Variants in DLK2 observed in about 807,000 individuals in gnomAD.
DLK2 encodes protein delta homolog 2.
Under a neutral mutation model 31.3 loss-of-function variants are expected in DLK2, and 9 were observed. The observed-to-expected ratio is 0.29, with a 90% CI of 0.17 to 0.50. DLK2 has a LOEUF of 0.50. Ranked by LOEUF, DLK2 falls within the 20% of genes least tolerant of loss-of-function variation. The pLI, the probability that DLK2 is intolerant of heterozygous loss-of-function variation, is 0.98. For synonymous variants in DLK2, 169 were observed against 201.2 expected, an observed-to-expected ratio of 0.84 and a Z score of 1.35; for missense variants, 387 against 526.1, an observed-to-expected ratio of 0.74 and a Z score of 2.59.
rs1783901166 is a variant in DLK2, at chr6:43,454,644, C to T, written c.76+106G>A. 21 of 1,439,624 alleles carry T rather than the reference C, an allele frequency of 1.5e-5. 1 individual carries two copies. The South Asian group carries it at 2.5e-4, about 17-fold the overall frequency. 89.2% of individuals were successfully genotyped at this position (1,439,624 alleles called of 1,614,324 possible). A position where few individuals can be genotyped will look rare whatever the true frequency, so the allele number is the denominator to read the frequency against. On this transcript the variant is annotated intron_variant, in intron 2 of 5. Transcript: ENST00000372488. ...AAAAGGCAACCTCGGTCTTGCTTGCCCCGCGGGTCGGAGCGACTGCAGTGC... is the reference window on the plus strand; with the variant it reads ...AAAAGGCAACCTCGGTCTTGCTTGCTCCGCGGGTCGGAGCGACTGCAGTGC...
In DLK2 at chr6:43,455,125, G is replaced by C. The variant is rs974628006; in HGVS notation, c.-55-245C>G. 4 of 980,046 alleles carry C rather than the reference G, an allele frequency of 4.1e-6. No individual in the cohort carries two copies. In the African/African-American group the frequency reaches 7.0e-5, roughly 17 times the overall value. The allele number at this position is 980,046 out of a possible 1,614,324, so 60.7% of individuals were successfully genotyped here. On this transcript the variant is annotated intron_variant, in intron 1 of 5. Coordinates refer to ENST00000372488, the MANE Select transcript of DLK2 (RefSeq NM_023932.4). ...GGCATCGCGGAGCGAGGCCAGGCGC[G>C]GGAATGGCTGGGGTTGGGATCGTAG...
Position 43,450,356 on chromosome 6 carries a change from AT to A in DLK2, c.*182del, listed in dbSNP as rs1783631720. 2 of 972,460 alleles carry A rather than the reference AT, an allele frequency of 2.1e-6. No homozygotes were observed. Among genetic ancestry groups the A allele is most frequent in the Non-Finnish European group, 2.9e-6 (2 of 692,404 alleles). The allele number at this position is 972,460 out of a possible 1,614,324, so 60.2% of individuals were successfully genotyped here. A position where few individuals can be genotyped will look rare whatever the true frequency, so the allele number is the denominator to read the frequency against. ...TTTTCTGGCATAGGAGCCCACTTGC[AT>A]TTTCATAGTTTTATTTGATAAAATT... On this transcript the variant is annotated 3_prime_UTR_variant, in exon 6 of 6. Transcript: ENST00000372488. The surrounding 1 kb of genome is among the most constrained non-coding windows in gnomAD (Gnocchi z 4.5).
At chr6:43,454,598 A>G in intron 2 of DLK2, 124 bp from the exon 3 acceptor site, 1 of 1,334,636 alleles carries the variant, frequency 7.5e-7, no homozygotes, top group Non-Finnish European at 1.0e-6. Context: ...AGGACATAAC[A>G]CAGAAACTCA....
chr6:43,451,343 TC>T lies in DLK2; in HGVS notation c.417-70del. ...ACCTGTAGGGCAGCCCAGGTCAGTA[TC>T]CTGACCACTGCCCGCCATGTCATCT... On this transcript the variant is annotated intron_variant, in intron 5 of 5. Coordinates refer to ENST00000372488, the MANE Select transcript of DLK2 (RefSeq NM_023932.4). The surrounding 1 kb of genome is among the most constrained non-coding windows in gnomAD (Gnocchi z 4.4). 1.2e-5 allele frequency: 19 copies of T among 1,533,844 alleles called. No homozygotes were observed. In the South Asian group the frequency reaches 2.4e-4, roughly 19 times the overall value.
rs750760826 is a variant in DLK2 at position 43,451,400 on chromosome 6, C to A, written c.417-126G>T. On this transcript the variant is annotated intron_variant, in intron 5 of 5. Coordinates refer to ENST00000372488, the MANE Select transcript of DLK2 (RefSeq NM_023932.4). The surrounding 1 kb of genome is among the most constrained non-coding windows in gnomAD (Gnocchi z 4.4). ...TACACACTCCGAGCCTCAAATACCT[C>A]ATTTTAAAAATGAGAATAAAAATAG... The A allele has an allele frequency of 5.1e-5, 62 of 1,215,482 alleles. No individual in the cohort carries two copies. The highest frequency in any genetic ancestry group is 6.7e-5 in the Non-Finnish European group (60 of 891,112). The allele number at this position is 1,215,482 out of a possible 1,614,324, so 75.3% of individuals were successfully genotyped here.
chr6:43,455,140 TG>T, intron 1 of DLK2: 1 of 971,582 alleles, frequency 1.0e-6, no homozygotes, highest in Non-Finnish European at 1.2e-6. Flanking sequence ...TGGCTGGGGT[TG>T]GGATCGTAGT....
In DLK2 at chr6:43,453,190, A is replaced by T; in HGVS notation, c.141-55T>A. ...CTGGGTCATGGATGTGAAGAAATGG[A>T]GGAGACAGAACCAGAGCTTCTAGAA... On this transcript the variant is annotated intron_variant, in intron 3 of 5. Transcript: ENST00000372488. The surrounding 1 kb of genome is among the most constrained non-coding windows in gnomAD (Gnocchi z 4.1). 1 of 1,544,934 alleles carries T rather than the reference A, an allele frequency of 6.5e-7. No homozygotes were observed. The highest frequency in any genetic ancestry group is 2.1e-5 in the Admixed American group (1 of 47,734).
rs772154206 is a variant in DLK2, at chr6:43,451,972, G to C, written c.384C>G (p.Cys128Trp). Residue 128 changes from cysteine (C) to tryptophan (W), a missense_variant, in exon 5 of 6, where the codon TGC (cysteine) becomes TGG (tryptophan). Transcript: ENST00000372488. This position sits in a 1 kb window ranked among gnomAD's most constrained non-coding sequence, Gnocchi z 4.4. Reference protein sequence around the residue: ...VCLPGFHGRDCERKAGPCEQA... With the variant: ...VCLPGFHGRDWERKAGPCEQA... ...GTTCACAGGGTCCAGCCTTGCGCTC[G>C]CAGTCACGCCCATGGAAGCCTGGTA... is the stretch of plus-strand genomic sequence containing the variant. The C allele has an allele frequency of 1.2e-6, 2 of 1,613,996 alleles. No individual in the cohort carries two copies. The highest frequency in any genetic ancestry group is 2.2e-5 in the East Asian group (1 of 44,888).
intron 4 of DLK2, among the ~76,000 whole-genome samples, chr6:43,452,510 G>A (rs1783807590): frequency 6.6e-6 from 1 of 152,222 alleles, no homozygotes; most frequent in Admixed American, 6.5e-5. Context: ...GAGGTCAGGA[G>A]TTCGAGACCA....
At position 43,454,874 on chromosome 6, in the gene DLK2, T is replaced by G. The variant is rs568768413; in HGVS notation, c.-49A>C. The stretch of plus-strand genomic sequence containing the variant: ...ACGGACGGATGGACGGCCGGACGCG[T>G]GGACACCTGTGGGACGGCACCGGTT... On this transcript the variant is annotated 5_prime_UTR_variant, in exon 2 of 6. Transcript: ENST00000372488. 3 of 1,531,718 alleles carry G rather than the reference T, an allele frequency of 2.0e-6. No homozygotes were observed. Among genetic ancestry groups the G allele is most frequent in the East Asian group, 4.9e-5 (2 of 40,638 alleles). The allele number at this position is 1,531,718 out of a possible 1,614,324, so 94.9% of individuals were successfully genotyped here.
Position 43,450,584 on chromosome 6 carries a change from C to T in DLK2, c.1107G>A (p.Leu369=). Residue 369 remains leucine, a synonymous_variant, in exon 6 of 6, where the codon CTG becomes CTA. Transcript: ENST00000372488. The surrounding 1 kb of genome is among the most constrained non-coding windows in gnomAD (Gnocchi z 4.5). ...CAGGCTCAGGGGGCAAGTCACGTGG[C>T]AGGGGGAGCCCTGCTGGCAGCATGC... ...QVSMLPAGLP[L]PRDLPPEPGK... 1 of 1,584,590 alleles carries T rather than the reference C, an allele frequency of 6.3e-7. No individual in the cohort carries two copies. Among genetic ancestry groups the T allele is most frequent in the Non-Finnish European group, 8.6e-7 (1 of 1,163,714 alleles).
Position 43,450,963 on chromosome 6 carries a change from C to G in DLK2, c.728G>C (p.Gly243Ala), listed in dbSNP as rs769298050. ...TAAGACAAGCTCACAGGTCTTGCCA[C>G]CATAGCCACTGGGGCAGAGGCAGTC... is the stretch of plus-strand genomic sequence containing the variant. ...DFDCLCPSGY[G>A]GKTCELVLPV... Residue 243 changes from glycine to alanine, a missense_variant, in exon 6 of 6, where the codon GGT becomes GCT. Gly to Ala is a moderately conservative substitution (Grantham distance 60). Coordinates refer to ENST00000372488, the MANE Select transcript of DLK2 (RefSeq NM_023932.4). This position sits in a 1 kb window ranked among gnomAD's most constrained non-coding sequence, Gnocchi z 4.5. The G allele has an allele frequency of 1.9e-5, 30 of 1,614,100 alleles. No homozygotes were observed. Among genetic ancestry groups the G allele is most frequent in the Non-Finnish European group, 2.4e-5 (28 of 1,180,044 alleles).
rs769739853 is a variant in DLK2, at chr6:43,453,071, C to T, written c.205G>A (p.Gly69Ser). Residue 69 changes from glycine to serine, a missense_variant, in exon 4 of 6, where the codon GGT (glycine) becomes AGT (serine). Gly to Ser is a moderately conservative substitution (Grantham distance 56). Transcript: ENST00000372488. This position sits in a 1 kb window ranked among gnomAD's most constrained non-coding sequence, Gnocchi z 4.1. ...CACTGCCATGGCTGGTGGCAGGTAC[C>T]GTGCTGGCAGCCAGGCATCCTCACA... ...RCVRMPGCQH[G>S]TCHQPWQCIC... 12 of 1,613,988 alleles carry T rather than the reference C, an allele frequency of 7.4e-6. No homozygotes were observed. The highest frequency in any genetic ancestry group is 2.7e-5 in the African/African-American group (2 of 74,932).
At chr6:43,452,879 A>C in intron 4 of DLK2, 126 bp downstream of exon 4, 1 of 1,414,064 alleles carries the variant, frequency 7.1e-7, no homozygotes. Flanking sequence ...TAAGATTTAA[A>C]AAAATGATAA....
At position 43,454,493 on chromosome 6, in the gene DLK2, G is replaced by A. The variant is rs891303295; in HGVS notation, c.77-19C>T. On this transcript the variant is annotated intron_variant, in intron 2 of 5. Coordinates refer to ENST00000372488, the MANE Select transcript of DLK2 (RefSeq NM_023932.4). ...TCATCGGCTGCAAGAGATTGATGTG[G>A]GAGGGGTGAGTCTGAGTCAGGGCAC... is the stretch of plus-strand genomic sequence containing the variant. 1 of 1,580,906 alleles carries A rather than the reference G, an allele frequency of 6.3e-7. No individual in the cohort carries two copies. Among genetic ancestry groups the A allele is most frequent in the Admixed American group, 1.9e-5 (1 of 52,856 alleles).
At position 43,453,134 on chromosome 6, in the gene DLK2, A is replaced by G. The variant is rs1490207812; in HGVS notation, c.142T>C (p.Cys48Arg). ...TGCAGCCCCTCCCAGCCCGGGTCAC[A>G]CCTGACGGGGAGAAGCACAGGGTCA... is the stretch of plus-strand genomic sequence containing the variant. The part of the protein sequence containing the change: ...GCCAPDGSCR[C>R]DPGWEGLHCE... The change falls in exon 4 of 6, where the codon TGT (cysteine) becomes CGT (arginine). Residue 48 changes from cysteine to arginine, a missense_variant and splice_region_variant. By Grantham distance (180) the Cys-to-Arg change is radical. Coordinates refer to ENST00000372488, the MANE Select transcript of DLK2 (RefSeq NM_023932.4). This position sits in a 1 kb window ranked among gnomAD's most constrained non-coding sequence, Gnocchi z 4.1. The G allele has an allele frequency of 6.3e-7, 1 of 1,597,608 alleles. No homozygotes were observed. The highest frequency in any genetic ancestry group is 8.6e-7 in the Non-Finnish European group (1 of 1,168,194).
rs550303730 is a variant in DLK2 at position 43,451,633 on chromosome 6, C to G, written c.416+307G>C. The stretch of plus-strand genomic sequence containing the variant: ...ACACAGAAGGGTGCAAGCCAGCGTT[C>G]AGGAGAGGATGAGGAGAGACCCAGG... On this transcript the variant is annotated intron_variant, in intron 5 of 5. Coordinates refer to ENST00000372488, the MANE Select transcript of DLK2 (RefSeq NM_023932.4). The surrounding 1 kb of genome is among the most constrained non-coding windows in gnomAD (Gnocchi z 4.4). Among the ~76,000 whole-genome samples the G allele has an allele frequency of 6.6e-6, 1 of 152,282 alleles. No homozygotes were observed. Among genetic ancestry groups the G allele is most frequent in the African/African-American group, 2.4e-5 (1 of 41,552 alleles).
intron 4 of DLK2, 37 bp from the exon 5 acceptor site, chr6:43,452,121 TCCCATCTGGTCC>T (rs768701190): frequency 2.4e-5 from 39 of 1,611,530 alleles, no homozygotes; most frequent in Admixed American, 1.0e-4. Flanking sequence ...GGATAACCCC[TCCCATCTGGTCC>T]CCAGACCAGA....
intron 4 of DLK2, 77 bp downstream of exon 4, chr6:43,452,928 G>A: frequency 6.4e-7 from 1 of 1,570,118 alleles, no homozygotes; most frequent in South Asian, 1.2e-5. Context: ...GACAAAATAG[G>A]CACTCAATAA....
Sources: allele counts gnomAD v4.1 joint callset (sites outside exome capture counted in the v4.1 genomes callset), GRCh38; gene constraint gnomAD v4.1.1; non-coding constraint Gnocchi (gnomAD v3.1); transcripts MANE v1.5; gene names NCBI Gene and HGNC (gene_info 2026-07-23, HGNC 2026-07-21).